Variants in CCDC171 observed in about 807,000 individuals in gnomAD.
CCDC171 encodes the protein coiled-coil domain containing 171, also known as coiled-coil domain-containing protein 171.
In CCDC171, 177 loss-of-function variants were observed where a neutral mutation model predicts 168.2. The observed-to-expected ratio is 1.05, with a 90% CI of 0.93 to 1.19. The LOEUF is 1.19. Ranked by LOEUF, CCDC171 falls within the 50% of genes most tolerant of loss-of-function variation. The probability of loss-of-function intolerance (pLI) is 0.00; values close to 1 mark genes in which losing one functional copy is unlikely to be tolerated. For synonymous variants in CCDC171, 687 were observed against 540.8 expected (o/e 1.27, Z -3.75); for missense variants, 1,991 against 1,539.0 (o/e 1.29, Z -4.91).
chr9:15,811,817 T>C (rs955646776), intron 21 of CCDC171, among the ~76,000 whole-genome samples: 8 of 152,198 alleles, frequency 5.3e-5, no homozygotes, highest in African/African-American at 1.9e-4. Flanking sequence ...AATACAGAAA[T>C]GTTTACCTTA....
chr9:15,954,948 A>G (rs968664197), intron 25 of CCDC171, among the ~76,000 whole-genome samples: 2 of 151,740 alleles, frequency 1.3e-5, no homozygotes, highest in Non-Finnish European at 2.9e-5. Flanking sequence ...TTTTCTATTG[A>G]TTTATTATTT....
chr9:15,711,190 AT>A (rs2052636837), intron 11 of CCDC171, among the ~76,000 whole-genome samples: 1 of 152,196 alleles, frequency 6.6e-6, no homozygotes, highest in Non-Finnish European at 1.5e-5. Flanking sequence ...TTAAATATGA[AT>A]ACGAATAATC....
At chr9:16,073,323 T>C in the CCDC171 span, among the ~76,000 whole-genome samples, 2 of 152,206 alleles carry the variant, frequency 1.3e-5, no homozygotes, top group African/African-American at 4.8e-5. Flanking sequence ...GACACACATA[T>C]TTTATTCATA....
At chr9:15,923,527 G>T (rs528033004) in intron 25 of CCDC171, among the ~76,000 whole-genome samples, 1 of 151,102 alleles carries the variant, frequency 6.6e-6, no homozygotes, top group African/African-American at 2.4e-5. Context: ...GGGAGATGTT[G>T]GTCAGAGAAT....
intron 10 of CCDC171, among the ~76,000 whole-genome samples, chr9:15,688,968 A>T (rs937324887): frequency 1.3e-5 from 2 of 152,214 alleles, no homozygotes; most frequent in Non-Finnish European, 2.9e-5. Flanking sequence ...AGGAATCCAC[A>T]CATGCAGAGA....
intron 3 of CCDC171, among the ~76,000 whole-genome samples, chr9:15,991,474 A>G (rs367574256): frequency 0.024 from 3,296 of 139,718 alleles, 163 homozygotes; most frequent in African/African-American, 0.1. Context: ...ACAAGAGAAA[A>G]CAGGAAAGAT....
intron 14 of CCDC171, 66 bp from the exon 15 acceptor site, chr9:15,727,803 A>T: frequency 8.1e-7 from 1 of 1,236,448 alleles, no homozygotes; most frequent in Non-Finnish European, 1.1e-6. Context: ...CACCATTAGT[A>T]TTATGTATTT....
At chr9:16,010,745 T>G (rs1458266676) in intron 3 of CCDC171, among the ~76,000 whole-genome samples, 1 of 31,692 alleles carries the variant, frequency 3.2e-5, no homozygotes, top group South Asian at 4.9e-4. Flanking sequence ...GGTCAACAGT[T>G]TATTAAAAAA....
At chr9:15,700,533 T>A (rs2051642132) in intron 11 of CCDC171, among the ~76,000 whole-genome samples, 1 of 152,238 alleles carries the variant, frequency 6.6e-6, no homozygotes, top group Non-Finnish European at 1.5e-5. Flanking sequence ...GCCGCCAAGG[T>A]TCGAGCCCAG....
chr9:15,608,905 C>G (rs1195859447), intron 6 of CCDC171, among the ~76,000 whole-genome samples: 3 of 116,814 alleles, frequency 2.6e-5, no homozygotes, highest in Admixed American at 2.5e-4. Flanking sequence ...CTGCATTGTC[C>G]TATGATCACA....
chr9:15,793,551 G>GTTTTTTTTTTTTTTTTTTTTTT (rs3082839), intron 21 of CCDC171, among the ~76,000 whole-genome samples: 1 of 77,056 alleles, frequency 1.3e-5, no homozygotes, highest in African/African-American at 6.4e-5. Flanking sequence ...TTATTCCAAG[G>GTTTTTTTTTTTTTTTTTTTTTT]TTTTTTTTTT....
At chr9:15,950,711 T>A in intron 25 of CCDC171, among the ~76,000 whole-genome samples, 1 of 150,104 alleles carries the variant, frequency 6.7e-6, no homozygotes, top group African/African-American at 2.5e-5. Flanking sequence ...AGACACTGCA[T>A]GAACTAATGA....
Position 15,724,924 on chromosome 9 carries a change from A to T in CCDC171, c.1640A>T (p.Gln547Leu), listed in dbSNP as rs1259605481. 2 of 1,613,892 alleles carry T rather than the reference A, an allele frequency of 1.2e-6. No individual in the cohort carries two copies. Among genetic ancestry groups the T allele is most frequent in the Non-Finnish European group, 1.7e-6 (2 of 1,179,902 alleles). Reference sequence around the variant, plus strand: ...GAGAAAGAAAAGGCTCAGGCAGCCCAGTCTGAAAGTGAACTGCAGAAGCTT... The same window carrying T: ...GAGAAAGAAAAGGCTCAGGCAGCCCTGTCTGAAAGTGAACTGCAGAAGCTT... ...CWEKEKAQAA[Q>L]SESELQKLSQ... The change falls in exon 14 of 26, where the codon CAG becomes CTG. Residue 547 changes from glutamine to leucine, a missense_variant. Coordinates refer to ENST00000380701, the MANE Select transcript of CCDC171 (RefSeq NM_173550.4).
chr9:15,741,436 T>G (rs2054874540), intron 16 of CCDC171, among the ~76,000 whole-genome samples: 1 of 152,228 alleles, frequency 6.6e-6, no homozygotes, highest in African/African-American at 2.4e-5. Context: ...TTTTTCAATT[T>G]ATGTTGTACC....
chr9:15,860,814 G>T (rs2061525563), intron 23 of CCDC171, among the ~76,000 whole-genome samples: 2 of 151,810 alleles, frequency 1.3e-5, no homozygotes, highest in African/African-American at 4.8e-5. Flanking sequence ...TTTCTGACTG[G>T]TTGTTCTCCC....
intron 14 of CCDC171, 69 bp downstream of exon 14, chr9:15,725,045 C>G (rs962703722): frequency 2.9e-5 from 32 of 1,105,830 alleles, no homozygotes; most frequent in Middle Eastern, 2.0e-4. Context: ...CATCAAGTGA[C>G]TATTTTTACT....
chr9:15,676,529 G>C (rs976627965), intron 9 of CCDC171, among the ~76,000 whole-genome samples: 1 of 152,034 alleles, frequency 6.6e-6, no homozygotes, highest in Non-Finnish European at 1.5e-5. Flanking sequence ...TCTTGGAAGC[G>C]CTCGAGCTGG....
chr9:15,781,045 G>C (rs2057639634), intron 20 of CCDC171, among the ~76,000 whole-genome samples: 5 of 152,176 alleles, frequency 3.3e-5, no homozygotes, highest in Admixed American at 3.3e-4. Context: ...TGCAATTTGA[G>C]ATTTAGAGTA....
In CCDC171 at chr9:15,817,975, G is replaced by A. The variant is rs201583808; in HGVS notation, c.3268-28727G>A. ...GGGCAGACTGACACCTCACACGGCC[G>A]GGTACTCCTCTGAGACAAAACTTCC... On this transcript the variant is annotated intron_variant, in intron 21 of 25. Coordinates refer to ENST00000380701, the MANE Select transcript of CCDC171 (RefSeq NM_173550.4). 4.3e-5 allele frequency among the ~76,000 whole-genome samples: 5 copies of A among 116,844 alleles called. 1 individual carries two copies. The highest frequency in any genetic ancestry group is 9.6e-5 in the Non-Finnish European group (5 of 52,000). The allele number at this position is 116,844 out of a possible 152,430, so 76.7% of individuals were successfully genotyped here.
Sources: gnomAD v4.1 joint callset for allele counts (sites outside exome capture counted in the v4.1 genomes callset) on GRCh38, gnomAD v4.1.1 for gene constraint, MANE v1.5 for transcripts, NCBI Gene and HGNC (gene_info 2026-07-23, HGNC 2026-07-21) for gene names.